NEK11: variants seen among roughly 807,000 people sequenced by gnomAD.
The protein encoded by NEK11 is serine/threonine-protein kinase Nek11.
In NEK11, 72 loss-of-function variants were observed where a neutral mutation model predicts 80.7. The observed-to-expected ratio is 0.89, with a 90% confidence interval of 0.74 to 1.08. NEK11 has a LOEUF of 1.08. Ranked by LOEUF, NEK11 falls within the 50% of genes least tolerant of loss-of-function variation. NEK11 has a pLI of 0.00. For missense variants in NEK11, 764 were observed against 763.6 expected (o/e 1.00, Z -0.01); for synonymous variants, 251 against 260.7 (o/e 0.96, Z 0.36).
chr3:131,339,214 T>C (rs1221190038), intron 17 of NEK11, among the ~76,000 whole-genome samples: 1 of 152,154 alleles, frequency 6.6e-6, no homozygotes, highest in Non-Finnish European at 1.5e-5. Flanking sequence ...TCACAAAGTG[T>C]CTATTTTCTT....
At chr3:131,133,795 T>A (rs890456412) in intron 6 of NEK11, 35 bp from the exon 7 acceptor site, 4 of 1,589,862 alleles carry the variant, frequency 2.5e-6, no homozygotes, top group Non-Finnish European at 2.6e-6. Flanking sequence ...TTTCGTTGGC[T>A]TAAAGTATTC....
intron 5 of NEK11, among the ~76,000 whole-genome samples, chr3:131,126,959 CTTTTTTTTTT>C (rs71133688): frequency 1.1e-5 from 1 of 90,116 alleles, no homozygotes; most frequent in Non-Finnish European, 2.1e-5. Context: ...TTCTTTCTTT[CTTTTTTTTTT>C]TTTTTTTTTT....
intron 16 of NEK11, among the ~76,000 whole-genome samples, chr3:131,266,352 T>C (rs2096058206): frequency 6.6e-6 from 1 of 152,254 alleles, no homozygotes; most frequent in South Asian, 2.1e-4. Flanking sequence ...TTTCATGCTA[T>C]AAATTTCCCT....
intron 7 of NEK11, among the ~76,000 whole-genome samples, chr3:131,151,195 C>A (rs1026733711): frequency 6.6e-6 from 1 of 152,000 alleles, no homozygotes; most frequent in African/African-American, 2.4e-5. Context: ...ACCTATGTGA[C>A]CTTGGCCAAG....
Position 131,204,405 on chromosome 3 carries a change from T to C in NEK11, c.1400-24123T>C, listed in dbSNP as rs370479048. Among the ~76,000 whole-genome samples the C allele has an allele frequency of 2.0e-5, 3 of 152,172 alleles. No individual in the cohort carries two copies. The South Asian group carries it at 6.2e-4, about 32-fold the overall frequency. On this transcript the variant is annotated intron_variant, in intron 14 of 17. Coordinates refer to ENST00000383366, the MANE Select transcript of NEK11 (RefSeq NM_024800.5). ...GAGAAGCTGATTTATAGCCAGTTGA[T>C]CAGAAGGCCTGGATTTGTGACTGGT...
At chr3:131,174,911 C>G in intron 14 of NEK11, 1 of 1,457,760 alleles carries the variant, frequency 6.9e-7, no homozygotes, top group Non-Finnish European at 9.0e-7. Flanking sequence ...GGCTGCTTAC[C>G]CACATCCTGA....
intron 17 of NEK11, among the ~76,000 whole-genome samples, chr3:131,332,558 G>A (rs1319375619): frequency 1.6e-4 from 25 of 151,526 alleles, no homozygotes; most frequent in South Asian, 4.2e-4. Context: ...AAAACAGAGC[G>A]CCTCTCCTCC....
At chr3:131,047,021 A>C (rs2109880326) in intron 3 of NEK11, among the ~76,000 whole-genome samples, 1 of 152,242 alleles carries the variant, frequency 6.6e-6, no homozygotes, top group East Asian at 1.9e-4. Context: ...AGATTAGATT[A>C]ATTGGAAAGT....
At chr3:131,123,480 A>G (rs1204834984) in intron 5 of NEK11, among the ~76,000 whole-genome samples, 3 of 152,162 alleles carry the variant, frequency 2.0e-5, no homozygotes, top group Non-Finnish European at 4.4e-5. Context: ...TAATTTTTCA[A>G]TAGATATTTA....
At chr3:131,101,588 G>C (rs2078371320) in intron 4 of NEK11, among the ~76,000 whole-genome samples, 2 of 152,192 alleles carry the variant, frequency 1.3e-5, no homozygotes, top group Admixed American at 6.5e-5. Flanking sequence ...TGTGGTCTGA[G>C]AGTATGCTTG....
chr3:131,154,892 C>A, intron 9 of NEK11, 144 bp from the exon 10 acceptor site: 1 of 570,774 alleles, frequency 1.8e-6, no homozygotes, highest in Non-Finnish European at 3.2e-6. Flanking sequence ...TTTTACATAA[C>A]CCAGGGAAAA....
chr3:131,267,016 C>CT (rs767441516), intron 16 of NEK11, among the ~76,000 whole-genome samples: 26 of 152,010 alleles, frequency 1.7e-4, no homozygotes, highest in Non-Finnish European at 2.8e-4. Flanking sequence ...GCAACACCTG[C>CT]TTTTTTTTGC....
intron 7 of NEK11, among the ~76,000 whole-genome samples, chr3:131,142,001 A>G (rs536623725): frequency 2.0e-5 from 3 of 152,222 alleles, no homozygotes; most frequent in Non-Finnish European, 4.4e-5. Context: ...GGTACTTCAT[A>G]TATTGATTCT....
intron 14 of NEK11, among the ~76,000 whole-genome samples, chr3:131,213,080 G>A (rs1329021524): frequency 6.6e-6 from 1 of 152,096 alleles, no homozygotes; most frequent in Non-Finnish European, 1.5e-5. Flanking sequence ...TTTTCTGAGT[G>A]TCCAGCCTGT....
chr3:131,302,299 A>G (rs146131738), intron 17 of NEK11, among the ~76,000 whole-genome samples: 26 of 152,096 alleles, frequency 1.7e-4, no homozygotes, highest in Non-Finnish European at 3.2e-4. Context: ...TTACTCTTTT[A>G]AAAAACCAAC....
At chr3:131,125,852 G>A (rs2083242817) in intron 5 of NEK11, among the ~76,000 whole-genome samples, 1 of 152,174 alleles carries the variant, frequency 6.6e-6, no homozygotes, top group African/African-American at 2.4e-5. Flanking sequence ...ATAGAAATGT[G>A]GCTCAAGCAT....
At chr3:131,179,688 G>T (rs1414062721) in intron 14 of NEK11, among the ~76,000 whole-genome samples, 1 of 152,000 alleles carries the variant, frequency 6.6e-6, no homozygotes, top group African/African-American at 2.4e-5. Flanking sequence ...AAATTTTCTA[G>T]GTTTCCTTAC....
At chr3:131,047,817 G>C (rs978510424) in intron 3 of NEK11, among the ~76,000 whole-genome samples, 19 of 152,202 alleles carry the variant, frequency 1.2e-4, no homozygotes, top group African/African-American at 4.6e-4. Flanking sequence ...AGGATCAGGT[G>C]GTAGGTGGGA....
chr3:131,190,022 A>C (rs1468185467), intron 14 of NEK11, among the ~76,000 whole-genome samples: 1 of 152,210 alleles, frequency 6.6e-6, no homozygotes, highest in African/African-American at 2.4e-5. Flanking sequence ...TTTTAATCAC[A>C]TATAGCCTTG....
Sources: gnomAD v4.1 joint callset for allele counts (sites outside exome capture counted in the v4.1 genomes callset) on GRCh38, gnomAD v4.1.1 for gene constraint, MANE v1.5 for transcripts, NCBI Gene and HGNC (gene_info 2026-07-23, HGNC 2026-07-21) for gene names.